Variants in ASAP2 observed in about 807,000 individuals in gnomAD.
The protein encoded by ASAP2 is arf-GAP with SH3 domain, ANK repeat and PH domain-containing protein 2.
In ASAP2, 45 loss-of-function variants were observed where a neutral mutation model predicts 131.4. The observed-to-expected ratio is 0.34, with a 90% CI of 0.27 to 0.44. ASAP2 has a LOEUF of 0.44. Among genes scored for constraint, ASAP2 ranks in the 20% least tolerant of loss-of-function variants. The pLI, the probability that ASAP2 is intolerant of heterozygous loss-of-function variation, is 1.00. For synonymous variants in ASAP2, 510 were observed against 503.0 expected (o/e 1.01, Z -0.19); for missense variants, 1,011 against 1,297.0 (o/e 0.78, Z 3.39).
intron 1 of ASAP2, among the ~76,000 whole-genome samples, chr2:9,211,145 A>G (rs1661516795): frequency 6.9e-6 from 1 of 145,928 alleles, no homozygotes; most frequent in Non-Finnish European, 1.5e-5. Flanking sequence ...ACAAGAGTGA[A>G]ACTGCGTCTC....
chr2:9,391,538 T>C (rs1675718959), intron 23 of ASAP2, among the ~76,000 whole-genome samples: 1 of 152,096 alleles, frequency 6.6e-6, no homozygotes, highest in Non-Finnish European at 1.5e-5. Context: ...GACAGTCACT[T>C]GGATTAGAAT....
At chr2:9,265,047 G>A (rs1665851291) in intron 1 of ASAP2, among the ~76,000 whole-genome samples, 1 of 152,028 alleles carries the variant, frequency 6.6e-6, no homozygotes, top group Non-Finnish European at 1.5e-5. Context: ...GAGGCAAGAG[G>A]ATCACTTGAG....
chr2:9,292,397 A>G (rs62121300), intron 2 of ASAP2, among the ~76,000 whole-genome samples: 8,754 of 152,240 alleles, frequency 0.058, 244 homozygotes, highest in Non-Finnish European at 0.068. Flanking sequence ...GTGCGCCTGT[A>G]GTCTCAGCTA....
intron 1 of ASAP2, among the ~76,000 whole-genome samples, chr2:9,240,902 C>CT: frequency 6.6e-6 from 1 of 152,282 alleles, no homozygotes; most frequent in Middle Eastern, 3.4e-3. Flanking sequence ...ATCTCATAAC[C>CT]TAGGCAGCTA....
chr2:9,361,127 G>A (rs958029837), intron 15 of ASAP2, among the ~76,000 whole-genome samples: 5 of 152,162 alleles, frequency 3.3e-5, no homozygotes, highest in Non-Finnish European at 4.4e-5. Context: ...TTAAAGTTTG[G>A]TTGGCTGTCA....
At chr2:9,297,236 G>A in intron 2 of ASAP2, 64 bp from the exon 3 acceptor site, 1 of 1,588,814 alleles carries the variant, frequency 6.3e-7, no homozygotes, top group African/African-American at 1.3e-5. Context: ...CAACCGAGAA[G>A]AACCTGGTGG....
At chr2:9,335,746 G>A (rs904204384) in intron 9 of ASAP2, among the ~76,000 whole-genome samples, 6 of 152,164 alleles carry the variant, frequency 3.9e-5, no homozygotes, top group Non-Finnish European at 8.8e-5. Context: ...TTTGTGTTGT[G>A]GGGACTTGTT....
intron 1 of ASAP2, among the ~76,000 whole-genome samples, chr2:9,252,163 G>A (rs1664755180): frequency 6.6e-6 from 1 of 152,196 alleles, no homozygotes; most frequent in Admixed American, 6.5e-5. Flanking sequence ...AGGGAGGGCA[G>A]GCGTGCCTGA....
At chr2:9,235,635 C>T (rs1035191150) in intron 1 of ASAP2, among the ~76,000 whole-genome samples, 8 of 151,850 alleles carry the variant, frequency 5.3e-5, no homozygotes, top group Admixed American at 3.3e-4. Flanking sequence ...GCTGTGGTAG[C>T]GTGCGGGAGG....
Position 9,380,818 on chromosome 2 carries a change from C to T in ASAP2, c.2016+10C>T. On this transcript the variant is annotated intron_variant, in intron 20 of 27. Coordinates refer to ENST00000281419, the MANE Select transcript of ASAP2 (RefSeq NM_003887.3). The stretch of plus-strand genomic sequence containing the variant: ...GCACTGTGAGGAGCTGGTGAGTCTC[C>T]CACCACAAGGACGGGGTGGGGCACC... 3 of 1,613,542 alleles carry T rather than the reference C, an allele frequency of 1.9e-6. No homozygotes were observed. The highest frequency in any genetic ancestry group is 2.5e-6 in the Non-Finnish European group (3 of 1,179,750).
intron 3 of ASAP2, among the ~76,000 whole-genome samples, chr2:9,304,588 T>C (rs533193564): frequency 1.3e-5 from 2 of 151,402 alleles, no homozygotes; most frequent in Admixed American, 6.6e-5. Flanking sequence ...GAGGCTGTAG[T>C]CTTGGGAGTA....
At chr2:9,319,768 C>G (rs1171676674) in intron 4 of ASAP2, among the ~76,000 whole-genome samples, 1 of 152,178 alleles carries the variant, frequency 6.6e-6, no homozygotes, top group Non-Finnish European at 1.5e-5. Flanking sequence ...GTTTTTGAGG[C>G]AGGCTTTACC....
At chr2:9,401,457 C>T in intron 27 of ASAP2, 61 bp downstream of exon 27, 2 of 1,583,732 alleles carry the variant, frequency 1.3e-6, no homozygotes, top group Non-Finnish European at 8.6e-7. Flanking sequence ...GCCCACCTGG[C>T]TGGAGAGACG....
rs749215680 is a variant in ASAP2, at chr2:9,385,242, C to T, written c.2017-3C>T. On this transcript the variant is annotated splice_region_variant and splice_polypyrimidine_tract_variant and intron_variant, in intron 20 of 27. Transcript: ENST00000281419. ...AGCACTGACCATCCCTCTGTTCTCT[C>T]AGCTGACCCAAGCCTTATCTGGAAG... 15 of 1,608,890 alleles carry T rather than the reference C, an allele frequency of 9.3e-6. No homozygotes were observed. In the Admixed American group the frequency reaches 1.7e-4, roughly 18 times the overall value.
At chr2:9,376,733 C>T (rs754196886) in intron 17 of ASAP2, among the ~76,000 whole-genome samples, 175 bp from the exon 18 acceptor site, 1 of 152,156 alleles carries the variant, frequency 6.6e-6, no homozygotes, top group Non-Finnish European at 1.5e-5. Flanking sequence ...CCAAATTGCA[C>T]GTTCCCAAGG....
At position 9,403,304 on chromosome 2, in the gene ASAP2, T is replaced by G. The variant is rs1474255546; in HGVS notation, c.2998T>G (p.Phe1000Val). 1 of 1,614,158 alleles carries G rather than the reference T, an allele frequency of 6.2e-7. No individual in the cohort carries two copies. ...TCGCAAAGGCGCATTCCCGGTGTCA[T>G]TTGTGCACTTTATCGCTGACTGAAT... is the stretch of plus-strand genomic sequence containing the variant. ...PGRKGAFPVS[F>V]VHFIAD is the part of the protein sequence containing the mutation. The change falls in exon 28 of 28, where the codon TTT becomes GTT. Residue 1000 changes from phenylalanine to valine, a missense_variant. Physicochemically the swap from Phe to Val is conservative, Grantham distance 50 (BLOSUM62 -1). Around this residue, in one of 2 missense-constraint regions of ASAP2, gnomAD observed 652 missense variants for 698.9 expected, o/e 0.93. Coordinates refer to ENST00000281419, the MANE Select transcript of ASAP2 (RefSeq NM_003887.3).
At chr2:9,235,639 C>T (rs1011915507) in intron 1 of ASAP2, among the ~76,000 whole-genome samples, 4 of 151,654 alleles carry the variant, frequency 2.6e-5, no homozygotes, top group South Asian at 2.1e-4. Context: ...TGGTAGCGTG[C>T]GGGAGGCAGG....
chr2:9,301,438 A>G (rs1014928369), intron 3 of ASAP2, among the ~76,000 whole-genome samples: 2 of 152,184 alleles, frequency 1.3e-5, no homozygotes, highest in African/African-American at 4.8e-5. Context: ...AGTGCTTATG[A>G]AGTCAGCCTA....
At chr2:9,329,810 T>A (rs1170159119) in intron 7 of ASAP2, among the ~76,000 whole-genome samples, 1 of 152,232 alleles carries the variant, frequency 6.6e-6, no homozygotes, top group Non-Finnish European at 1.5e-5. Context: ...ATTGTTTCTT[T>A]TCCTAGAAGG....
Sources: allele counts gnomAD v4.1 joint callset (sites outside exome capture counted in the v4.1 genomes callset), GRCh38; gene constraint gnomAD v4.1.1; regional missense constraint gnomAD v4.1.1; transcripts MANE v1.5; gene names NCBI Gene and HGNC (gene_info 2026-07-23, HGNC 2026-07-21).